The following RBMS3 variants were observed in gnomAD, a reference collection of about 807,000 sequenced individuals.
RBMS3 encodes the protein RNA-binding motif, single-stranded-interacting protein 3.
RBMS3 carries 27 observed loss-of-function variants against 66.8 expected under a neutral mutation model. That is an observed-to-expected ratio of 0.40 (90% CI 0.30 to 0.56). RBMS3 has a LOEUF of 0.56. Ranked by LOEUF, RBMS3 falls within the 20% of genes least tolerant of loss-of-function variation. RBMS3 has a pLI of 0.40. For missense variants in RBMS3, 513 were observed against 549.5 expected (o/e 0.93, Z 0.66); for synonymous variants, 188 against 183.0 (o/e 1.03, Z -0.22).
At chr3:29,928,205 TATATATAC>T (rs1204117310) in intron 10 of RBMS3, among the ~76,000 whole-genome samples, 3 of 112,440 alleles carry the variant, frequency 2.7e-5, no homozygotes, top group African/African-American at 1.0e-4. Context: ...TATATATATA[TATATATAC>T]ACACACACAC....
chr3:29,615,822 A>T (rs954088298), intron 4 of RBMS3, among the ~76,000 whole-genome samples: 1 of 152,182 alleles, frequency 6.6e-6, no homozygotes, highest in African/African-American at 2.4e-5. Context: ...TTCTTGTATC[A>T]CTCATGTAAA....
intron 12 of RBMS3, among the ~76,000 whole-genome samples, chr3:29,965,326 G>A (rs1559844717): frequency 6.6e-6 from 1 of 152,058 alleles, no homozygotes; most frequent in Non-Finnish European, 1.5e-5. Context: ...AGCTTTACTA[G>A]TTTACATTCC....
chr3:29,805,603 C>T (rs901759327), intron 6 of RBMS3, among the ~76,000 whole-genome samples: 5 of 151,768 alleles, frequency 3.3e-5, no homozygotes, highest in Non-Finnish European at 7.4e-5. Context: ...GGGTAATATG[C>T]ATATTTGTGT....
intron 8 of RBMS3, among the ~76,000 whole-genome samples, chr3:29,894,810 T>A (rs2060088091): frequency 6.6e-6 from 1 of 151,526 alleles, no homozygotes; most frequent in Non-Finnish European, 1.5e-5. Flanking sequence ...TTAGCTACAA[T>A]CCTCTCTGAA....
intron 3 of RBMS3, among the ~76,000 whole-genome samples, chr3:29,578,142 T>A (rs1195237239): frequency 2.6e-5 from 4 of 152,222 alleles, no homozygotes; most frequent in Admixed American, 2.6e-4. Flanking sequence ...CCTCTGGGTG[T>A]CCCTAATACA....
chr3:29,427,767 A>G (rs987525163), intron 1 of RBMS3, among the ~76,000 whole-genome samples: 4 of 152,074 alleles, frequency 2.6e-5, no homozygotes, highest in African/African-American at 9.7e-5. Context: ...AGCAGAACAG[A>G]CTGCTGTGTG....
intron 4 of RBMS3, among the ~76,000 whole-genome samples, chr3:29,663,769 T>C (rs1476579920): frequency 2.0e-5 from 3 of 152,156 alleles, no homozygotes; most frequent in Non-Finnish European, 4.4e-5. Context: ...AAAAAAATTA[T>C]ATTTCAGATA....
At chr3:29,799,850 C>T (rs767513715) in intron 6 of RBMS3, among the ~76,000 whole-genome samples, 20 of 152,152 alleles carry the variant, frequency 1.3e-4, no homozygotes, top group Admixed American at 7.2e-4. Context: ...GGTATAAAGG[C>T]ATCTCCACAT....
intron 11 of RBMS3, among the ~76,000 whole-genome samples, chr3:29,943,114 A>C (rs1355996953): frequency 1.3e-5 from 2 of 151,836 alleles, no homozygotes; most frequent in African/African-American, 4.8e-5. Context: ...GAGAGTGATT[A>C]AAATTGACCT....
At chr3:29,873,468 T>A (rs1481741350) in intron 7 of RBMS3, among the ~76,000 whole-genome samples, 1 of 152,202 alleles carries the variant, frequency 6.6e-6, no homozygotes, top group African/African-American at 2.4e-5. Context: ...AGGTTGTTTA[T>A]CAGCTGAAGG....
intron 1 of RBMS3, among the ~76,000 whole-genome samples, chr3:29,370,351 T>C (rs1474837975): frequency 2.0e-5 from 3 of 152,236 alleles, no homozygotes; most frequent in Non-Finnish European, 4.4e-5. Context: ...GTTCAGGTTG[T>C]ACATCCATTT....
At chr3:29,385,930 T>C (rs1193592194) in intron 1 of RBMS3, among the ~76,000 whole-genome samples, 1 of 152,182 alleles carries the variant, frequency 6.6e-6, no homozygotes, top group Non-Finnish European at 1.5e-5. Flanking sequence ...ATCTATTATT[T>C]TTTCTTTGTT....
intron 4 of RBMS3, among the ~76,000 whole-genome samples, chr3:29,599,153 GA>G (rs1052623265): frequency 3.5e-5 from 5 of 144,478 alleles, no homozygotes; most frequent in Admixed American, 1.4e-4. Context: ...AGAGAGTGGA[GA>G]TTTTTTTTTT....
intron 3 of RBMS3, among the ~76,000 whole-genome samples, chr3:29,541,845 C>A (rs1179945700): frequency 1.3e-5 from 2 of 152,072 alleles, no homozygotes; most frequent in East Asian, 1.9e-4. Context: ...CAGCCCTCAG[C>A]CCTACTGTCT....
At chr3:29,487,940 A>G (rs998183789) in intron 2 of RBMS3, among the ~76,000 whole-genome samples, 5 of 152,140 alleles carry the variant, frequency 3.3e-5, no homozygotes, top group Non-Finnish European at 7.4e-5. Flanking sequence ...TTGCTCCTGG[A>G]GCCTAATATA....
At chr3:29,457,407 G>A (rs929648219) in intron 2 of RBMS3, among the ~76,000 whole-genome samples, 19 of 152,094 alleles carry the variant, frequency 1.2e-4, no homozygotes, top group East Asian at 3.9e-4. Context: ...TAATTTTACC[G>A]GTAAGCCCAG....
At chr3:29,858,348 G>T (rs566672836) in intron 6 of RBMS3, among the ~76,000 whole-genome samples, 51 of 152,252 alleles carry the variant, frequency 3.3e-4, no homozygotes, top group Non-Finnish European at 6.6e-4. Flanking sequence ...AGTATGCAAA[G>T]AGCTGTCTCA....
chr3:29,953,436 A>AC (rs1695814164), intron 12 of RBMS3, among the ~76,000 whole-genome samples: 1 of 151,940 alleles, frequency 6.6e-6, no homozygotes, highest in Non-Finnish European at 1.5e-5. Context: ...GAATGCTATG[A>AC]CCTTGCAAAT....
chr3:29,759,941 C>G (rs1408127591), intron 5 of RBMS3, among the ~76,000 whole-genome samples: 1 of 152,056 alleles, frequency 6.6e-6, no homozygotes, highest in African/African-American at 2.4e-5. Flanking sequence ...AGAAAACAGA[C>G]TTTTATTGCA....
Sources: gnomAD v4.1 joint callset for allele counts (sites outside exome capture counted in the v4.1 genomes callset) on GRCh38, gnomAD v4.1.1 for gene constraint, MANE v1.5 for transcripts, NCBI Gene and HGNC (gene_info 2026-07-23, HGNC 2026-07-21) for gene names.